Variants in ABCC1 observed in about 807,000 individuals in gnomAD.
ABCC1 encodes the protein ATP binding cassette subfamily C member 1 (ABCC1 blood group).
In ABCC1, 83 loss-of-function variants were observed where a neutral mutation model predicts 172.9. That is an observed-to-expected ratio of 0.48 (90% CI 0.40 to 0.58). The LOEUF (loss-of-function observed/expected upper bound fraction) is 0.58, where lower values mean the gene tolerates loss of function less well. Ranked by LOEUF, ABCC1 falls within the 20% of genes least tolerant of loss-of-function variation. ABCC1 has a pLI of 0.00. For synonymous variants in ABCC1, 937 were observed against 825.2 expected (o/e 1.14, Z -2.32); for missense variants, 1,817 against 2,002.7 (o/e 0.91, Z 1.77).
rs941535756 is a variant in ABCC1 at position 16,141,632 on chromosome 16, A to G, written c.*351A>G. On this transcript the variant is annotated 3_prime_UTR_variant, in exon 31 of 31. Coordinates refer to ENST00000399410, the MANE Select transcript of ABCC1 (RefSeq NM_004996.4). ...CCAGACTTCTGGAGGAATTGGTTGTATAGAAGATCCTAGTGACCAAATTCA... is the reference window on the plus strand; with the variant it reads ...CCAGACTTCTGGAGGAATTGGTTGTGTAGAAGATCCTAGTGACCAAATTCA... 3.6e-6 allele frequency: 1 copy of G among 280,496 alleles called. No individual in the cohort carries two copies. Among genetic ancestry groups the G allele is most frequent in the African/African-American group, 2.2e-5 (1 of 45,836 alleles). The allele number at this position is 280,496 out of a possible 1,614,324, so 17.4% of individuals were successfully genotyped here. A position where few individuals can be genotyped will look rare whatever the true frequency, so the allele number is the denominator to read the frequency against.
In ABCC1 at chr16:16,083,527, A is replaced by C. The variant is rs1164182729; in HGVS notation, c.2277A>C (p.Thr759=). 10 of 1,613,002 alleles carry C rather than the reference A, an allele frequency of 6.2e-6. No individual in the cohort carries two copies. Among genetic ancestry groups the C allele is most frequent in the Non-Finnish European group, 8.5e-6 (10 of 1,179,636 alleles). ...AAATCCTGCCCAGTGGGGATCGGACAGAGATTGGCGAGAAGGTCAGTATAG... is the reference window on the plus strand; with the variant it reads ...AAATCCTGCCCAGTGGGGATCGGACCGAGATTGGCGAGAAGGTCAGTATAG... ...DLEILPSGDR[T]EIGEKGVNLS... Residue 759 remains threonine (T), a synonymous_variant, in exon 17 of 31, where the codon ACA becomes ACC. Transcript: ENST00000399410.
At chr16:16,134,542 G>C (rs1435843754) in intron 28 of ABCC1, 34 bp downstream of exon 28, 1 of 1,608,174 alleles carries the variant, frequency 6.2e-7, no homozygotes, top group East Asian at 2.2e-5. Context: ...GGGTGAGCCA[G>C]AGCTGGCAAG....
At chr16:16,008,993 C>A (rs192182013) in intron 2 of ABCC1, among the ~76,000 whole-genome samples, 15 of 150,676 alleles carry the variant, frequency 1.0e-4, no homozygotes, top group African/African-American at 3.4e-4. Context: ...CTCTTTTGCC[C>A]AGGCTGGAGT....
intron 1 of ABCC1, among the ~76,000 whole-genome samples, chr16:15,955,586 G>A (rs1403133481): frequency 2.0e-5 from 3 of 152,052 alleles, no homozygotes; most frequent in African/African-American, 4.8e-5. Flanking sequence ...AGCCACACTT[G>A]TGGCCAGGCC....
chr16:16,043,341 C>T (rs984584369), intron 7 of ABCC1, among the ~76,000 whole-genome samples: 1 of 149,762 alleles, frequency 6.7e-6, no homozygotes, highest in African/African-American at 2.5e-5. Flanking sequence ...TCTTTTTGCC[C>T]AGGCTGGAGT....
chr16:16,097,070 C>T (rs2051512115), intron 19 of ABCC1, among the ~76,000 whole-genome samples: 1 of 152,072 alleles, frequency 6.6e-6, no homozygotes, highest in Non-Finnish European at 1.5e-5. Context: ...TATTGTTGAT[C>T]TCTTCCTTTG....
chr16:16,140,480 G>C (rs1429833572), intron 30 of ABCC1, among the ~76,000 whole-genome samples: 1 of 152,160 alleles, frequency 6.6e-6, no homozygotes, highest in Non-Finnish European at 1.5e-5. Flanking sequence ...GATTATAGGC[G>C]TGAGTCTCTG....
At chr16:16,057,899 C>T (rs1357362477) in intron 12 of ABCC1, among the ~76,000 whole-genome samples, 1 of 152,084 alleles carries the variant, frequency 6.6e-6, no homozygotes, top group Non-Finnish European at 1.5e-5. Context: ...CTTTAGTTTC[C>T]TAAGTAGCTG....
At chr16:16,125,029 C>A in intron 25 of ABCC1, 114 bp downstream of exon 25, 1 of 1,505,374 alleles carries the variant, frequency 6.6e-7, no homozygotes, top group Non-Finnish European at 9.0e-7. Flanking sequence ...TTGAGAGGTA[C>A]GGAGTTTGAG....
intron 1 of ABCC1, among the ~76,000 whole-genome samples, chr16:15,965,417 A>G (rs994414642): frequency 1.3e-5 from 2 of 151,610 alleles, no homozygotes; most frequent in African/African-American, 4.9e-5. Context: ...TCAGCCTCCC[A>G]AGTAGCTGGG....
chr16:16,056,227 A>G lies in ABCC1; in HGVS notation c.1609A>G (p.Lys537Glu), dbSNP rs1426508525. 2.1e-5 allele frequency: 34 copies of G among 1,614,202 alleles called. No individual in the cohort carries two copies. Among genetic ancestry groups the G allele is most frequent in the Non-Finnish European group, 2.6e-5 (31 of 1,180,038 alleles). Residue 537 changes from lysine (K) to glutamate (E), a missense_variant, in exon 12 of 31, where the codon AAG (lysine) becomes GAG (glutamate). Lys to Glu is a moderately conservative substitution (Grantham distance 56). This residue lies in a region of ABCC1 where 1,412 missense variants were observed against 1,600.3 expected (regional missense o/e 0.88). Coordinates refer to ENST00000399410, the MANE Select transcript of ABCC1 (RefSeq NM_004996.4). Reference sequence around the variant, plus strand: ...GCTGGCCATCAGGCAGGAGGAGCTGAAGGTGCTGAAGAAGTCTGCCTACCT... The same window carrying G: ...GCTGGCCATCAGGCAGGAGGAGCTGGAGGTGCTGAAGAAGTCTGCCTACCT... ...KVLAIRQEEL[K>E]VLKKSAYLSA... is the part of the protein sequence containing the mutation.
At position 16,071,782 on chromosome 16, in the gene ABCC1, A is replaced by T. The variant is rs45573136; in HGVS notation, c.1912+53A>T. ...GGAAGTGGCCGCCTTCCCATCTCCCACTGGGTCCTCCCTACTTGCATTTCT... is the reference window on the plus strand; with the variant it reads ...GGAAGTGGCCGCCTTCCCATCTCCCTCTGGGTCCTCCCTACTTGCATTTCT... On this transcript the variant is annotated intron_variant, in intron 14 of 30. Transcript: ENST00000399410. The T allele has an allele frequency of 1.0e-3, 1,541 of 1,482,316 alleles. 26 individuals carry two copies. The African/African-American group carries it at 0.019, about 18-fold the overall frequency. The allele number at this position is 1,482,316 out of a possible 1,614,324, so 91.8% of individuals were successfully genotyped here.
At position 15,979,587 on chromosome 16, in the gene ABCC1, T is replaced by C. The variant is rs2046574446; in HGVS notation, c.49-28229T>C. Among the ~76,000 whole-genome samples the C allele has an allele frequency of 2.0e-5, 3 of 152,084 alleles. No individual in the cohort carries two copies. In the South Asian group the frequency reaches 6.2e-4, roughly 32 times the overall value. On this transcript the variant is annotated intron_variant, in intron 1 of 30. Transcript: ENST00000399410. ...CTATAAAGTGTGCAACTCAGTTTAG[T>C]ACATTCAGAATTGTGCATGTCTCCT...
At chr16:16,020,881 G>A (rs539808851) in intron 5 of ABCC1, among the ~76,000 whole-genome samples, 2 of 152,244 alleles carry the variant, frequency 1.3e-5, no homozygotes, top group Admixed American at 6.5e-5. Flanking sequence ...ACAAACAATC[G>A]CAGACATAAG....
chr16:15,953,361 T>G (rs894197422), intron 1 of ABCC1, among the ~76,000 whole-genome samples: 2 of 151,884 alleles, frequency 1.3e-5, no homozygotes, highest in African/African-American at 4.8e-5. Context: ...TCAGGCCCTG[T>G]GTAGAAAAAT....
intron 2 of ABCC1, among the ~76,000 whole-genome samples, chr16:16,009,055 T>C (rs1236067576): frequency 6.6e-6 from 1 of 151,036 alleles, no homozygotes; most frequent in African/African-American, 2.4e-5. Context: ...GCTCAAGCCA[T>C]CCTCCTGCCT....
chr16:16,049,808 C>T (rs139130157), intron 10 of ABCC1, among the ~76,000 whole-genome samples: 197 of 152,174 alleles, frequency 1.3e-3, no homozygotes, highest in African/African-American at 4.3e-3. Context: ...CTCAGTCTCC[C>T]GAGTAGCTGG....
At chr16:16,117,904 T>TAA (rs200673804) in intron 23 of ABCC1, among the ~76,000 whole-genome samples, 1 of 151,366 alleles carries the variant, frequency 6.6e-6, no homozygotes, top group Non-Finnish European at 1.5e-5. Context: ...ATACTCTGTC[T>TAA]AAAAAAAAAC....
In ABCC1 at chr16:16,142,144, C is replaced by G. The variant is rs1481722899; in HGVS notation, c.*863C>G. 6.9e-6 allele frequency: 1 copy of G among 144,364 alleles called. No homozygotes were observed. Among genetic ancestry groups the G allele is most frequent in the African/African-American group, 2.5e-5 (1 of 39,502 alleles). 8.9% of individuals were successfully genotyped at this position (144,364 alleles called of 1,614,324 possible). A position where few individuals can be genotyped will look rare whatever the true frequency, so the allele number is the denominator to read the frequency against. On this transcript the variant is annotated 3_prime_UTR_variant, in exon 31 of 31. Transcript: ENST00000399410. ...GTAAGAACAATCAATGCTGTTATTACTGTTCCCACCATGATTGATGTGGGG... is the reference window on the plus strand; with the variant it reads ...GTAAGAACAATCAATGCTGTTATTAGTGTTCCCACCATGATTGATGTGGGG...
Sources: allele counts gnomAD v4.1 joint callset (sites outside exome capture counted in the v4.1 genomes callset), GRCh38; gene constraint gnomAD v4.1.1; regional missense constraint gnomAD v4.1.1; transcripts MANE v1.5; gene names NCBI Gene and HGNC (gene_info 2026-07-23, HGNC 2026-07-21).